Variants in SORCS2 observed in about 807,000 individuals in gnomAD.
The protein encoded by SORCS2 is sortilin related VPS10 domain containing receptor 2.
In SORCS2, 100 loss-of-function variants were observed where a neutral mutation model predicts 141.6. The observed-to-expected ratio is 0.71, with a 90% confidence interval of 0.60 to 0.83. The LOEUF (loss-of-function observed/expected upper bound fraction) is 0.83. Ranked by LOEUF, SORCS2 falls within the 40% of genes least tolerant of loss-of-function variation. SORCS2 has a pLI of 0.00. For missense variants in SORCS2, 1,646 were observed against 1,560.2 expected (o/e 1.05, Z -0.93); for synonymous variants, 789 against 676.9 (o/e 1.17, Z -2.57).
At chr4:7,641,639 C>T (rs775581016) in intron 4 of SORCS2, among the ~76,000 whole-genome samples, 3 of 151,640 alleles carry the variant, frequency 2.0e-5, no homozygotes, top group Non-Finnish European at 4.4e-5. Flanking sequence ...TCTTTTTCAC[C>T]ATTTTAATCT....
intron 1 of SORCS2, among the ~76,000 whole-genome samples, chr4:7,211,790 T>G (rs1428452714): frequency 6.6e-6 from 1 of 151,432 alleles, no homozygotes. Flanking sequence ...GGTTGGGGGC[T>G]CCCATGAGAG....
Position 7,286,146 on chromosome 4 carries a change from CAGTCTCCTAG to C in SORCS2, c.480+93028_480+93037del, listed in dbSNP as rs1376904966. On this transcript the variant is annotated intron_variant, in intron 1 of 26. Transcript: ENST00000507866. The surrounding 1 kb of genome is among the most constrained non-coding windows in gnomAD (Gnocchi z 4.1). ...CTCAGTCCCCTGATGAGCTGGTAAA[CAGTCTCCTAG>C]AGTCTCCAGCTGGGTCTCCAGGCCT... is the stretch of plus-strand genomic sequence containing the variant. 6.6e-6 allele frequency among the ~76,000 whole-genome samples: 1 copy of C among 152,218 alleles called. No individual in the cohort carries two copies. The highest frequency in any genetic ancestry group is 2.4e-5 in the African/African-American group (1 of 41,468).
chr4:7,731,483 A>T (rs1711677507), intron 23 of SORCS2, among the ~76,000 whole-genome samples: 1 of 152,246 alleles, frequency 6.6e-6, no homozygotes, highest in South Asian at 2.1e-4. Context: ...ATTTGTATGG[A>T]ACTACAAAAG....
chr4:7,308,902 C>T (rs1184294303), intron 1 of SORCS2, among the ~76,000 whole-genome samples: 7 of 152,226 alleles, frequency 4.6e-5, no homozygotes, highest in Non-Finnish European at 1.0e-4. Flanking sequence ...CAGAGACACA[C>T]CTCTGGTGTG....
intron 7 of SORCS2, among the ~76,000 whole-genome samples, chr4:7,665,962 A>T (rs961200373): frequency 6.6e-6 from 1 of 151,824 alleles, no homozygotes; most frequent in South Asian, 2.1e-4. Context: ...CATCTCAGAG[A>T]GGTTAGGAGG....
chr4:7,657,592 A>G (rs1013360735), intron 5 of SORCS2, among the ~76,000 whole-genome samples: 2 of 152,186 alleles, frequency 1.3e-5, no homozygotes, highest in African/African-American at 4.8e-5. Context: ...TGAATGAATG[A>G]GCGGGTGAGT....
At chr4:7,340,338 G>A (rs1480644596) in intron 1 of SORCS2, among the ~76,000 whole-genome samples, 3 of 152,272 alleles carry the variant, frequency 2.0e-5, no homozygotes, top group Non-Finnish European at 4.4e-5. Context: ...CTGGGACTGA[G>A]GGTGTCAGGA....
chr4:7,241,772 G>T (rs139573990), intron 1 of SORCS2, among the ~76,000 whole-genome samples: 2 of 152,192 alleles, frequency 1.3e-5, no homozygotes, highest in African/African-American at 4.8e-5. Flanking sequence ...CCTCACATCC[G>T]TTTGCTGAAA....
At chr4:7,511,213 A>C (rs555386681) in intron 2 of SORCS2, among the ~76,000 whole-genome samples, 1 of 152,110 alleles carries the variant, frequency 6.6e-6, no homozygotes, top group Non-Finnish European at 1.5e-5. Flanking sequence ...TGACACGCCC[A>C]GAGACATGGA....
At position 7,682,725 on chromosome 4, in the gene SORCS2, C is replaced by A. The variant is rs1488600726; in HGVS notation, c.1342-18C>A. The A allele has an allele frequency of 6.3e-7, 1 of 1,598,692 alleles. No homozygotes were observed. Among genetic ancestry groups the A allele is most frequent in the African/African-American group, 1.3e-5 (1 of 74,566 alleles). On this transcript the variant is annotated intron_variant, in intron 9 of 26. Transcript: ENST00000507866. Reference sequence around the variant, plus strand: ...GCTCCAGTGTAAGTTTACAGTCCTTCTTTTATTTTTGTCCCAGGTCAGAGG... The same window carrying A: ...GCTCCAGTGTAAGTTTACAGTCCTTATTTTATTTTTGTCCCAGGTCAGAGG...
chr4:7,688,325 G>A (rs1724001820), intron 10 of SORCS2, among the ~76,000 whole-genome samples: 1 of 152,186 alleles, frequency 6.6e-6, no homozygotes, highest in Non-Finnish European at 1.5e-5. Flanking sequence ...AGGCTGCCCA[G>A]AAAATTAGTG....
At chr4:7,420,551 C>G (rs1725971203) in intron 2 of SORCS2, among the ~76,000 whole-genome samples, 1 of 152,180 alleles carries the variant, frequency 6.6e-6, no homozygotes, top group South Asian at 2.1e-4. Context: ...AGGCAGACCT[C>G]ATGGGACTCA....
intron 2 of SORCS2, among the ~76,000 whole-genome samples, chr4:7,491,091 C>A (rs1731290269): frequency 6.6e-6 from 1 of 152,182 alleles, no homozygotes; most frequent in African/African-American, 2.4e-5. Flanking sequence ...ACCATATCCA[C>A]TCCCCGGCTC....
chr4:7,719,290 G>A (rs1054055607), intron 18 of SORCS2, among the ~76,000 whole-genome samples: 2 of 152,272 alleles, frequency 1.3e-5, no homozygotes, highest in African/African-American at 4.8e-5. Flanking sequence ...GGCCCAAGAC[G>A]ACGCAGAGCA....
chr4:7,647,251 C>T (rs1721141202), intron 4 of SORCS2, among the ~76,000 whole-genome samples: 2 of 152,304 alleles, frequency 1.3e-5, no homozygotes, highest in Admixed American at 1.3e-4. Context: ...AGACTCTCAA[C>T]CTCCTTCTTT....
intron 2 of SORCS2, among the ~76,000 whole-genome samples, chr4:7,487,788 C>T (rs1181770768): frequency 6.6e-6 from 1 of 152,206 alleles, no homozygotes; most frequent in Non-Finnish European, 1.5e-5. Flanking sequence ...AATTAATCCC[C>T]AGCAGCTACG....
chr4:7,352,243 T>G (rs1463577836), intron 1 of SORCS2, among the ~76,000 whole-genome samples: 1 of 152,270 alleles, frequency 6.6e-6, no homozygotes, highest in Non-Finnish European at 1.5e-5. Flanking sequence ...GGGCTGTGTC[T>G]TCTTTATCTC....
At chr4:7,279,755 C>T (rs531304301) in intron 1 of SORCS2, among the ~76,000 whole-genome samples, 12 of 152,244 alleles carry the variant, frequency 7.9e-5, no homozygotes, top group Non-Finnish European at 1.5e-4. Flanking sequence ...CAGAAACAGA[C>T]GAAGGGAACA....
At chr4:7,229,338 C>T (rs1711653134) in intron 1 of SORCS2, among the ~76,000 whole-genome samples, 1 of 152,152 alleles carries the variant, frequency 6.6e-6, no homozygotes, top group Admixed American at 6.5e-5. Context: ...AGGAGCCCCT[C>T]TCCCTGGGAG....
Sources: gnomAD v4.1 joint callset for allele counts (sites outside exome capture counted in the v4.1 genomes callset) on GRCh38, gnomAD v4.1.1 for gene constraint, Gnocchi (gnomAD v3.1) non-coding constraint, MANE v1.5 for transcripts, NCBI Gene and HGNC (gene_info 2026-07-23, HGNC 2026-07-21) for gene names.